Variants in PDE1A observed in about 807,000 individuals in gnomAD.
PDE1A encodes phosphodiesterase 1A.
A neutral mutation model predicts 61.7 loss-of-function variants in PDE1A; 35 were observed. The observed-to-expected ratio is 0.57, with a 90% CI of 0.43 to 0.75. The LOEUF is 0.75. Among genes scored for constraint, PDE1A ranks in the 30% least tolerant of loss-of-function variants. PDE1A has a pLI of 0.00. For synonymous variants in PDE1A, 232 were observed against 213.2 expected (o/e 1.09, Z -0.77); for missense variants, 597 against 630.6 (o/e 0.95, Z 0.57).
upstream of PDE1A, among the ~76,000 whole-genome samples, chr2:182,526,023 A>G (rs1690769493): frequency 6.6e-6 from 1 of 152,172 alleles, no homozygotes; most frequent in Admixed American, 6.6e-5. Flanking sequence ...GAAGAAATCA[A>G]TTCAGGTGAG....
At chr2:182,317,533 C>T (rs1430862708) in intron 1 of PDE1A, among the ~76,000 whole-genome samples, 2 of 152,012 alleles carry the variant, frequency 1.3e-5, no homozygotes. Flanking sequence ...ATGATGAGTG[C>T]TGCAACAAGG....
chr2:182,186,842 T>C, intron 11 of PDE1A, among the ~76,000 whole-genome samples: 1 of 152,344 alleles, frequency 6.6e-6, no homozygotes, highest in Middle Eastern at 3.4e-3. Context: ...GTATATTGGC[T>C]TTTCTATTTA....
chr2:182,431,647 T>G (rs1703957909), upstream of PDE1A, among the ~76,000 whole-genome samples: 1 of 152,142 alleles, frequency 6.6e-6, no homozygotes, highest in African/African-American at 2.4e-5. Context: ...ACACATTTCT[T>G]GCTACAAGTT....
the PDE1A span, among the ~76,000 whole-genome samples, chr2:182,536,888 C>T: frequency 2.0e-5 from 3 of 152,144 alleles, no homozygotes; most frequent in Non-Finnish European, 2.9e-5. Flanking sequence ...CTAAAGCCAC[C>T]ATGCTGGAGA....
chr2:182,314,877 C>T (rs910074304), intron 1 of PDE1A, among the ~76,000 whole-genome samples: 4 of 151,894 alleles, frequency 2.6e-5, no homozygotes, highest in East Asian at 1.9e-4. Context: ...GAAAAAGAAA[C>T]CTTGGGGAAA....
chr2:182,554,343 A>C, the PDE1A span, among the ~76,000 whole-genome samples: 1 of 152,296 alleles, frequency 6.6e-6, no homozygotes, highest in Non-Finnish European at 1.5e-5. Flanking sequence ...AAGGTACACA[A>C]AAATACATTT....
chr2:182,540,148 G>C, the PDE1A span, among the ~76,000 whole-genome samples: 1 of 152,056 alleles, frequency 6.6e-6, no homozygotes, highest in Admixed American at 6.5e-5. Context: ...CGGATCATTT[G>C]AGGTCAGGAG....
At chr2:182,212,557 G>A (rs1389457752) in intron 7 of PDE1A, among the ~76,000 whole-genome samples, 15 of 152,262 alleles carry the variant, frequency 9.9e-5, no homozygotes, top group Admixed American at 5.2e-4. Context: ...CAGTGGGTGC[G>A]CGCACCGTGC....
At chr2:182,525,141 G>T (rs937778790), upstream of PDE1A, among the ~76,000 whole-genome samples, 4 of 152,076 alleles carry the variant, frequency 2.6e-5, no homozygotes, top group Admixed American at 2.6e-4. Flanking sequence ...TTCATGCACT[G>T]AATGAGTTAA....
chr2:182,617,716 C>G, the PDE1A span, among the ~76,000 whole-genome samples: 2 of 152,180 alleles, frequency 1.3e-5, no homozygotes, highest in South Asian at 4.1e-4. Flanking sequence ...GCAGCATCCT[C>G]TCATATCTCC....
intron 2 of PDE1A, among the ~76,000 whole-genome samples, chr2:182,243,338 G>A (rs1690702815): frequency 1.3e-5 from 2 of 152,172 alleles, no homozygotes; most frequent in African/African-American, 2.4e-5. Context: ...TAGATAAGAT[G>A]ATCAGATAGT....
chr2:182,367,704 C>G (rs990796045), intron 1 of PDE1A, among the ~76,000 whole-genome samples: 1 of 151,942 alleles, frequency 6.6e-6, no homozygotes, highest in African/African-American at 2.4e-5. Context: ...CCCATTAGTA[C>G]CTAATACTTT....
chr2:182,694,489 G>A, the PDE1A span, among the ~76,000 whole-genome samples: 3 of 152,164 alleles, frequency 2.0e-5, no homozygotes, highest in South Asian at 2.1e-4. Flanking sequence ...ACTCTCATCT[G>A]AGAAATGATC....
At chr2:182,283,503 G>A (rs1305063231) in intron 1 of PDE1A, among the ~76,000 whole-genome samples, 1 of 151,728 alleles carries the variant, frequency 6.6e-6, no homozygotes, top group Non-Finnish European at 1.5e-5. Flanking sequence ...TTGAGAAAAT[G>A]ACAAAACAAT....
intron 1 of PDE1A, among the ~76,000 whole-genome samples, chr2:182,353,078 C>A (rs1435172889): frequency 1.3e-5 from 2 of 152,128 alleles, no homozygotes; most frequent in East Asian, 3.9e-4. Context: ...CAACTACTAT[C>A]ACAATTACAT....
intron 4 of PDE1A, among the ~76,000 whole-genome samples, chr2:182,233,775 C>CCA (rs4018725): frequency 9.6e-4 from 142 of 147,290 alleles, no homozygotes; most frequent in African/African-American, 2.5e-3. Context: ...CACATGAACA[C>CCA]CACACACACA....
rs34640250 is a variant in PDE1A, at chr2:182,406,373, TAA to T, written c.53+20203_53+20204del. Among the ~76,000 whole-genome samples, 247 of 148,962 alleles carry T rather than the reference TAA, an allele frequency of 1.7e-3. 16 individuals carry two copies. Among genetic ancestry groups the T allele is most frequent in the Middle Eastern group, 3.4e-3 (1 of 292 alleles). ...TATTTTTAGGTTTTTTGGCTCACAG[TAA>T]AAAAAAAAAAATGTAGATTTCCAGT... is the stretch of plus-strand genomic sequence containing the variant. On this transcript the variant is annotated intron_variant, in intron 1 of 13. Coordinates refer to ENST00000351439, the Ensembl canonical transcript of PDE1A.
At chr2:182,154,737 T>G (rs1250558430) in intron 13 of PDE1A, among the ~76,000 whole-genome samples, 1 of 152,142 alleles carries the variant, frequency 6.6e-6, no homozygotes, top group Non-Finnish European at 1.5e-5. Context: ...CTTTTATAAA[T>G]TACCTAGTCT....
chr2:182,530,091 G>T, the PDE1A span, among the ~76,000 whole-genome samples: 4 of 152,178 alleles, frequency 2.6e-5, no homozygotes, highest in Admixed American at 6.5e-5. Context: ...AAAACACATT[G>T]CAAACTCTTA....
Sources: gnomAD v4.1 joint callset for allele counts (sites outside exome capture counted in the v4.1 genomes callset) on GRCh38, gnomAD v4.1.1 for gene constraint, MANE v1.5 for transcripts, NCBI Gene and HGNC (gene_info 2026-07-23, HGNC 2026-07-21) for gene names.